Variants in NPAS3 observed in about 807,000 individuals in gnomAD.
The protein encoded by NPAS3 is neuronal PAS domain-containing protein 3.
NPAS3 carries 14 observed loss-of-function variants against 73.1 expected under a neutral mutation model. The observed-to-expected ratio is 0.19, with a 90% CI of 0.13 to 0.30. The LOEUF (loss-of-function observed/expected upper bound fraction) is 0.30, where lower values mean the gene tolerates loss of function less well. Ranked by LOEUF, NPAS3 falls within the 10% of genes least tolerant of loss-of-function variation. NPAS3 has a pLI of 1.00. For missense variants in NPAS3, 1,096 were observed against 1,250.0 expected (o/e 0.88, Z 1.86); for synonymous variants, 620 against 541.5 (o/e 1.14, Z -2.01).
At chr14:33,530,821 G>A (rs187743605) in intron 4 of NPAS3, among the ~76,000 whole-genome samples, 1 of 152,224 alleles carries the variant, frequency 6.6e-6, no homozygotes, top group East Asian at 1.9e-4. Context: ...TGGTAGCTGA[G>A]CTGTTGCTAA....
intron 4 of NPAS3, among the ~76,000 whole-genome samples, chr14:33,388,797 CCGATACTGCTTCATGG>C (rs1295625370): frequency 6.6e-6 from 1 of 152,040 alleles, no homozygotes; most frequent in East Asian, 1.9e-4. Context: ...CAATCTGTTC[CCGATACTGCTTCATGG>C]CAGTGGTTAA....
At chr14:32,999,673 T>G (rs188936830) in intron 1 of NPAS3, among the ~76,000 whole-genome samples, 20 of 152,320 alleles carry the variant, frequency 1.3e-4, no homozygotes, top group African/African-American at 4.8e-4. Flanking sequence ...AATTTCAACA[T>G]AAGCTTCTTA....
intron 3 of NPAS3, among the ~76,000 whole-genome samples, chr14:33,361,741 A>G (rs1459414381): frequency 1.3e-5 from 2 of 152,200 alleles, no homozygotes; most frequent in African/African-American, 4.8e-5. Flanking sequence ...TAGGTCTGAG[A>G]TATGAATTAT....
chr14:33,720,353 A>C (rs191585267), intron 6 of NPAS3, among the ~76,000 whole-genome samples: 1 of 152,278 alleles, frequency 6.6e-6, no homozygotes, highest in East Asian at 1.9e-4. Context: ...ACATAAGAGA[A>C]AAGTTGCTCA....
chr14:33,799,594 A>G (rs1277482185), intron 11 of NPAS3, 140 bp from the exon 12 acceptor site: 4 of 798,778 alleles, frequency 5.0e-6, no homozygotes, highest in Admixed American at 2.8e-5. Context: ...GGTGATGGAG[A>G]AGCCCGTGAT....
intron 4 of NPAS3, 74 bp downstream of exon 4, chr14:33,367,342 G>T (rs1031267339): frequency 2.9e-6 from 2 of 691,628 alleles, no homozygotes; most frequent in East Asian, 5.7e-5. Flanking sequence ...TTTTTTTAAA[G>T]AATTTTTTTT....
chr14:33,135,973 A>G (rs2043815833), intron 2 of NPAS3, among the ~76,000 whole-genome samples: 2 of 152,132 alleles, frequency 1.3e-5, no homozygotes, highest in Non-Finnish European at 2.9e-5. Flanking sequence ...TGTCTTATGT[A>G]ATAAAAGCAG....
At chr14:33,317,603 T>A (rs1399013609) in intron 3 of NPAS3, among the ~76,000 whole-genome samples, 1 of 151,852 alleles carries the variant, frequency 6.6e-6, no homozygotes, top group Non-Finnish European at 1.5e-5. Flanking sequence ...TGAGTTCTCA[T>A]GAGATCTGAT....
rs2048198124 is a variant in NPAS3 at position 33,417,569 on chromosome 14, T to A, written c.468+50301T>A. Among the ~76,000 whole-genome samples the A allele has an allele frequency of 2.0e-5, 3 of 152,044 alleles. No homozygotes were observed. The South Asian group carries it at 6.2e-4, about 31-fold the overall frequency. On this transcript the variant is annotated intron_variant, in intron 4 of 11. Transcript: ENST00000356141. ...GATATGTTTGGATTCATATTGAATC[T>A]TTTCAATTATTTTGAGGAATAAATG...
intron 2 of NPAS3, among the ~76,000 whole-genome samples, chr14:33,187,114 T>G (rs1322627852): frequency 6.6e-6 from 1 of 152,168 alleles, no homozygotes; most frequent in African/African-American, 2.4e-5. Flanking sequence ...ACAATGCAAA[T>G]CCACCTTCTG....
At chr14:32,939,307 TAGC>T (rs1297004704), upstream of NPAS3, 5 of 610,972 alleles carry the variant, frequency 8.2e-6, no homozygotes, top group East Asian at 5.1e-5. Flanking sequence ...GGAAAAAAAA[TAGC>T]AGGAAGATGG....
chr14:33,208,179 C>G (rs1360074152), intron 2 of NPAS3, among the ~76,000 whole-genome samples: 1 of 151,816 alleles, frequency 6.6e-6, no homozygotes, highest in Non-Finnish European at 1.5e-5. Flanking sequence ...GAACAAAACA[C>G]TTTGATTCAT....
At chr14:33,427,034 A>C (rs970150652) in intron 4 of NPAS3, among the ~76,000 whole-genome samples, 1 of 152,044 alleles carries the variant, frequency 6.6e-6, no homozygotes, top group African/African-American at 2.4e-5. Context: ...GCCGTGCACA[A>C]TCTTGGTAAG....
At position 33,516,899 on chromosome 14, in the gene NPAS3, TG is replaced by T. The variant is rs1008533560; in HGVS notation, c.469-43217del. Among the ~76,000 whole-genome samples, 26 of 152,046 alleles carry T rather than the reference TG, an allele frequency of 1.7e-4. 1 individual carries two copies. The highest frequency in any genetic ancestry group is 6.3e-4 in the African/African-American group (26 of 41,416). ...CTGCATAGGTAAAGTGGCCAATGGC[TG>T]GGGGAAGAAATTTCTCCCTTCTCTA... On this transcript the variant is annotated intron_variant, in intron 4 of 11. Coordinates refer to ENST00000356141, the Ensembl canonical transcript of NPAS3.
chr14:33,361,408 T>C (rs550253640), intron 3 of NPAS3, among the ~76,000 whole-genome samples: 1 of 152,252 alleles, frequency 6.6e-6, no homozygotes, highest in Admixed American at 6.5e-5. Context: ...GAACACCCCC[T>C]TGACTAAACA....
chr14:33,767,393 C>T (rs2062497909), intron 7 of NPAS3, among the ~76,000 whole-genome samples: 3 of 152,094 alleles, frequency 2.0e-5, no homozygotes, highest in Admixed American at 2.0e-4. Context: ...CACCTCAGAG[C>T]CCCCGTCACT....
At chr14:33,521,957 T>G (rs1417852132) in intron 4 of NPAS3, among the ~76,000 whole-genome samples, 3 of 152,180 alleles carry the variant, frequency 2.0e-5, no homozygotes, top group African/African-American at 4.8e-5. Context: ...CCTATTTGAT[T>G]AATTTGTAAT....
chr14:32,937,495 C>T (rs2035734216), upstream of NPAS3, among the ~76,000 whole-genome samples: 1 of 152,022 alleles, frequency 6.6e-6, no homozygotes, highest in African/African-American at 2.4e-5. Context: ...TCTGCCAGCC[C>T]ATGTATATCT....
At chr14:32,967,780 G>T (rs1489885151) in intron 1 of NPAS3, among the ~76,000 whole-genome samples, 2 of 148,124 alleles carry the variant, frequency 1.4e-5, no homozygotes, top group African/African-American at 4.9e-5. Flanking sequence ...GTGGGGGGGG[G>T]TCCTAAAAAA....
Sources: allele counts gnomAD v4.1 joint callset (sites outside exome capture counted in the v4.1 genomes callset), GRCh38; gene constraint gnomAD v4.1.1; transcripts MANE v1.5; gene names NCBI Gene and HGNC (gene_info 2026-07-23, HGNC 2026-07-21).